The following NRP1 variants were observed in gnomAD, a reference collection of about 807,000 sequenced individuals.
The protein encoded by NRP1 is neuropilin 1, also known as neuropilin-1.
In NRP1, 35 loss-of-function variants were observed where a neutral mutation model predicts 106.7. That is an observed-to-expected ratio of 0.33 (90% CI 0.25 to 0.43). The LOEUF (loss-of-function observed/expected upper bound fraction) is 0.43. NRP1 is among the 20% of genes least tolerant of loss of function. The pLI is 1.00. For missense variants in NRP1, 1,024 were observed against 1,170.4 expected (o/e 0.87, Z 1.83); for synonymous variants, 437 against 417.9 (o/e 1.05, Z -0.56).
chr10:33,297,464 T>C (rs1486139012), intron 2 of NRP1, among the ~76,000 whole-genome samples: 1 of 152,112 alleles, frequency 6.6e-6, no homozygotes, highest in African/African-American at 2.4e-5. Context: ...GGTGGGTGGA[T>C]CACCTGAAGT....
chr10:33,201,259 A>T (rs1837281853), intron 11 of NRP1: 1 of 152,226 alleles, frequency 6.6e-6, no homozygotes, highest in Non-Finnish European at 1.5e-5. Context: ...TGATTCAGTC[A>T]TGAACTAATG....
In NRP1 at chr10:33,263,775, C is replaced by A; in HGVS notation, c.529G>T (p.Val177Phe). The stretch of plus-strand genomic sequence containing the variant: ...ATCTCTGACATCTTTGGCACAAAGA[C>A]AATATAAGTGCATTCAAGGCTGTTG... The part of the protein sequence containing the change: ...YPNSLECTYI[V>F]FVPKMSEIIL... The change falls in exon 4 of 17, where the codon GTC (valine) becomes TTC (phenylalanine). Residue 177 changes from valine to phenylalanine, a missense_variant. This residue lies in a region of NRP1 where 279 missense variants were observed against 327.4 expected (regional missense o/e 0.85). Coordinates refer to ENST00000374867, the MANE Select transcript of NRP1 (RefSeq NM_003873.7). The A allele has an allele frequency of 1.2e-6, 2 of 1,613,526 alleles. No homozygotes were observed. The highest frequency in any genetic ancestry group is 1.7e-6 in the Non-Finnish European group (2 of 1,179,548).
At chr10:33,191,516 C>T (rs891441009) in intron 13 of NRP1, among the ~76,000 whole-genome samples, 4 of 152,116 alleles carry the variant, frequency 2.6e-5, no homozygotes, top group Non-Finnish European at 4.4e-5. Flanking sequence ...ATAATATATG[C>T]TTGGACTTGT....
intron 6 of NRP1, among the ~76,000 whole-genome samples, chr10:33,235,948 C>T (rs1169948334): frequency 2.6e-5 from 4 of 152,130 alleles, no homozygotes; most frequent in Non-Finnish European, 5.9e-5. Flanking sequence ...ACCTTGGAAA[C>T]CTTTAACAGC....
intron 1 of NRP1, 124 bp from the exon 2 acceptor site, chr10:33,331,006 C>A: frequency 1.3e-6 from 1 of 775,734 alleles, no homozygotes; most frequent in East Asian, 2.8e-5. Flanking sequence ...AAAAGGTCCC[C>A]GTAAGTCCTT....
intron 4 of NRP1, among the ~76,000 whole-genome samples, chr10:33,260,243 T>C (rs1466481113): frequency 1.3e-5 from 2 of 152,200 alleles, no homozygotes; most frequent in Admixed American, 1.3e-4. Flanking sequence ...AAATAGGCCA[T>C]CTATATTTTT....
At chr10:33,235,427 A>G (rs1840479909) in intron 6 of NRP1, among the ~76,000 whole-genome samples, 1 of 152,230 alleles carries the variant, frequency 6.6e-6, no homozygotes, top group African/African-American at 2.4e-5. Flanking sequence ...TGTGATGGAA[A>G]CAGCATCAGG....
At chr10:33,208,025 C>A (rs537427873) in intron 9 of NRP1, among the ~76,000 whole-genome samples, 6 of 152,048 alleles carry the variant, frequency 3.9e-5, no homozygotes, top group Non-Finnish European at 7.4e-5. Context: ...TCCCTGGGCT[C>A]AGTGATCCTC....
chr10:33,264,975 T>A (rs1842828142), intron 3 of NRP1, among the ~76,000 whole-genome samples: 1 of 151,994 alleles, frequency 6.6e-6, no homozygotes, highest in African/African-American at 2.4e-5. Flanking sequence ...CTGGGCGTGG[T>A]CGTGGGCACC....
In NRP1 at chr10:33,236,979, CT is replaced by C. The variant is rs926074691; in HGVS notation, c.982-10691del. 1.7e-4 allele frequency among the ~76,000 whole-genome samples: 25 copies of C among 150,872 alleles called. 1 individual carries two copies. Among genetic ancestry groups the C allele is most frequent in the African/African-American group, 2.7e-4 (11 of 41,072 alleles). ...GCGCAATTAAGACCTTTTTTTTCTTCTTTTTTTTTCACACTCCTGGTCTTTC... is the reference window on the plus strand; with the variant it reads ...GCGCAATTAAGACCTTTTTTTTCTTCTTTTTTTTCACACTCCTGGTCTTTC... On this transcript the variant is annotated intron_variant, in intron 6 of 16. Coordinates refer to ENST00000374867, the MANE Select transcript of NRP1 (RefSeq NM_003873.7).
chr10:33,199,346 G>A lies in NRP1; in HGVS notation c.1865-1637C>T, dbSNP rs180923102. On this transcript the variant is annotated intron_variant, in intron 11 of 16. Transcript: ENST00000374867. ...TGAGTAGCCAGGACTACAGGTGTGC[G>A]CCACCATGCCTGGCTGTTTTCTATA... Among the ~76,000 whole-genome samples the A allele has an allele frequency of 5.2e-3, 641 of 124,074 alleles. 12 individuals carry two copies. The highest frequency in any genetic ancestry group is 0.018 in the African/African-American group (604 of 33,538). The allele number at this position is 124,074 out of a possible 152,430, so 81.4% of individuals were successfully genotyped here.
intron 6 of NRP1, among the ~76,000 whole-genome samples, chr10:33,249,746 G>T (rs879879682): frequency 2.6e-5 from 4 of 152,156 alleles, no homozygotes; most frequent in Non-Finnish European, 5.9e-5. Flanking sequence ...TTTTGAGCAG[G>T]ATATGGCTGT....
In NRP1 at chr10:33,270,036, C is replaced by T. The variant is rs144820392; in HGVS notation, c.430+639G>A. ...TTATTCTGAAACCATCCCCCAAACC[C>T]TGTCAGTAGAAAAATTTTCTTCCAT... On this transcript the variant is annotated intron_variant, in intron 3 of 16. Coordinates refer to ENST00000374867, the MANE Select transcript of NRP1 (RefSeq NM_003873.7). Among the ~76,000 whole-genome samples the T allele has an allele frequency of 8.5e-5, 13 of 152,254 alleles. No individual in the cohort carries two copies. In the East Asian group the frequency reaches 2.3e-3, roughly 27 times the overall value.
chr10:33,317,477 G>A (rs1420602083), intron 2 of NRP1, among the ~76,000 whole-genome samples: 1 of 152,178 alleles, frequency 6.6e-6, no homozygotes, highest in African/African-American at 2.4e-5. Context: ...TTATTTCCCA[G>A]CTGCCTTTCG....
intron 2 of NRP1, among the ~76,000 whole-genome samples, chr10:33,281,419 C>T (rs1564451980): frequency 6.6e-6 from 1 of 152,016 alleles, no homozygotes; most frequent in African/African-American, 2.4e-5. Context: ...AGGTTGAGGC[C>T]ATAAGAAATG....
intron 6 of NRP1, among the ~76,000 whole-genome samples, chr10:33,241,599 G>T (rs1253129095): frequency 6.6e-6 from 1 of 152,086 alleles, no homozygotes; most frequent in Non-Finnish European, 1.5e-5. Context: ...GTGACAAGAG[G>T]TGAAATGCCT....
intron 8 of NRP1, 151 bp downstream of exon 8, chr10:33,221,568 A>T (rs975683741): frequency 5.3e-6 from 5 of 942,544 alleles, no homozygotes. Flanking sequence ...TTGAACTCGG[A>T]TTTGTCTAAA....
intron 9 of NRP1, chr10:33,213,104 T>C: frequency 1.3e-6 from 1 of 791,102 alleles, no homozygotes; most frequent in South Asian, 1.8e-5. Context: ...GCTGTCAGCC[T>C]TGGGCTTCCC....
chr10:33,216,619 ATTT>A (rs748021851), intron 8 of NRP1, among the ~76,000 whole-genome samples: 1 of 142,802 alleles, frequency 7.0e-6, no homozygotes, highest in Admixed American at 7.0e-5. Flanking sequence ...ATGATTGGCA[ATTT>A]TTTTTTTTTT....
Sources: gnomAD v4.1 joint callset for allele counts (sites outside exome capture counted in the v4.1 genomes callset) on GRCh38, gnomAD v4.1.1 for gene constraint, gnomAD v4.1.1 regional missense constraint, MANE v1.5 for transcripts, NCBI Gene and HGNC (gene_info 2026-07-23, HGNC 2026-07-21) for gene names.